Variants in THOC2 observed in about 807,000 individuals in gnomAD.
THOC2 encodes the protein THO complex 2.
In THOC2, 10 loss-of-function variants were observed where a neutral mutation model predicts 128.4. That is an observed-to-expected ratio of 0.08 (90% CI 0.05 to 0.13). THOC2 has a LOEUF of 0.13. Among genes scored for constraint, THOC2 ranks in the 10% least tolerant of loss-of-function variants. The pLI is 1.00. For missense variants in THOC2, 535 were observed against 1,155.7 expected, an observed-to-expected ratio of 0.46 and a Z score of 7.79; for synonymous variants, 393 against 396.9, an observed-to-expected ratio of 0.99 and a Z score of 0.12.
At position 123,636,087 on chromosome X, in the gene THOC2, C is replaced by T. The variant is rs1239381361; in HGVS notation, c.2010G>A (p.Ala670=). ...TAATTTGCTATGAATACCTTTTGCC[C>T]GCCTTTAGCTGATTGGCAACATACT... ...LLQYVANQLK[A]GKSFDLLILK... Residue 670 remains alanine, a synonymous_variant, in exon 19 of 39, where the codon GCG becomes GCA. Transcript: ENST00000245838. The T allele has an allele frequency of 4.2e-6, 5 of 1,203,506 alleles. No homozygotes were observed. Among genetic ancestry groups the T allele is most frequent in the South Asian group, 1.8e-5 (1 of 55,197 alleles).
chrX:123,623,450 C>A, intron 28 of THOC2, 167 bp from the exon 29 acceptor site: 2 of 614,804 alleles, frequency 3.3e-6, no homozygotes, highest in East Asian at 7.8e-5. Context: ...GAACGCCCAG[C>A]TTTCTTAAAA....
intron 12 of THOC2, among the ~76,000 whole-genome samples, chrX:123,655,984 C>T (rs1299849192): frequency 1.8e-5 from 2 of 109,041 alleles, no homozygotes; most frequent in African/African-American, 6.7e-5. Context: ...CACCACTGCA[C>T]TCTAGCCTGG....
At chrX:123,664,707 T>C (rs1350842424) in intron 12 of THOC2, among the ~76,000 whole-genome samples, 1 of 111,261 alleles carries the variant, frequency 9.0e-6, no homozygotes, top group African/African-American at 3.3e-5. Context: ...AAACAACAGG[T>C]GCTGGAGAGG....
At chrX:123,688,226 T>G (rs2147876212) in intron 7 of THOC2, among the ~76,000 whole-genome samples, 1 of 111,738 alleles carries the variant, frequency 8.9e-6, no homozygotes, top group Non-Finnish European at 1.9e-5. Context: ...TATAAATGGA[T>G]AAGCAATTTG....
Position 123,627,818 on chromosome X carries a change from G to A in THOC2, c.2632C>T (p.Pro878Ser), listed in dbSNP as rs2047320086. ...GACCAGAATGTAGCATAGAATTGAG[G>A]GCTGATGTCATCCCAGACTTTGGAA... ...HVSKVWDDIS[P>S]QFYATFWSLT... Residue 878 changes from proline to serine, a missense_variant, in exon 23 of 39, where the codon CCT (proline) becomes TCT (serine). Transcript: ENST00000245838. 1 of 1,209,896 alleles carries A rather than the reference G, an allele frequency of 8.3e-7. No homozygotes were observed. The highest frequency in any genetic ancestry group is 2.2e-5 in the Admixed American group (1 of 45,723).
rs187181357 is a variant in THOC2, at chrX:123,692,571, A to G, written c.601+3450T>C. 4.3e-3 allele frequency among the ~76,000 whole-genome samples: 416 copies of G among 96,007 alleles called. 1 individual carries two copies. The highest frequency in any genetic ancestry group is 0.016 in the African/African-American group (396 of 24,509). 83.4% of individuals were successfully genotyped at this position (96,007 alleles called of 115,157 possible). A position where few individuals can be genotyped will look rare whatever the true frequency, so the allele number is the denominator to read the frequency against. On this transcript the variant is annotated intron_variant, in intron 7 of 38. Transcript: ENST00000245838. ...GGCTGGAGTGCAGTGGCACGATCTC[A>G]GCTCACTGCAACCTCCACCTCCTAG...
At chrX:123,675,084 T>C (rs1286804633) in intron 8 of THOC2, among the ~76,000 whole-genome samples, 1 of 112,469 alleles carries the variant, frequency 8.9e-6, no homozygotes, top group Non-Finnish European at 1.9e-5. Context: ...ACCACAAATG[T>C]AATAGTACTG....
Position 123,671,076 on chromosome X carries a change from T to C in THOC2, c.861+593A>G, listed in dbSNP as rs142582605. Among the ~76,000 whole-genome samples, 640 of 112,017 alleles carry C rather than the reference T, an allele frequency of 5.7e-3. 4 individuals are homozygous for C. Among genetic ancestry groups the C allele is most frequent in the Middle Eastern group, 0.023 (5 of 217 alleles). ...GATTCTGAAACTGATGACTAAATTT[T>C]TGTTAAACTAGAGGTCATCTGCCAC... On this transcript the variant is annotated intron_variant, in intron 9 of 38. Transcript: ENST00000245838.
intron 38 of THOC2, among the ~76,000 whole-genome samples, chrX:123,605,517 A>G (rs766615243): frequency 2.2e-4 from 25 of 111,923 alleles, no homozygotes; most frequent in African/African-American, 7.5e-4. Flanking sequence ...AAATGAGAGC[A>G]TATTAAATCT....
Position 123,701,081 on chromosome X carries a change from G to A in THOC2, c.274+2373C>T, listed in dbSNP as rs372082856. ...AAAATGGACTGGATAGGCCGGGCAC[G>A]GTAGCTCACGCCTATAATCCCAGCA... On this transcript the variant is annotated intron_variant, in intron 4 of 38. Coordinates refer to ENST00000245838, the MANE Select transcript of THOC2 (RefSeq NM_001081550.2). Among the ~76,000 whole-genome samples, 10 of 110,656 alleles carry A rather than the reference G, an allele frequency of 9.0e-5. No individual in the cohort carries two copies. The East Asian group carries it at 2.0e-3, about 22-fold the overall frequency.
At chrX:123,617,338 T>G (rs766211212) in intron 33 of THOC2, among the ~76,000 whole-genome samples, 1 of 110,939 alleles carries the variant, frequency 9.0e-6, no homozygotes, top group Admixed American at 9.6e-5. Context: ...TTTTCAAATT[T>G]TTCTGGTTGC....
At position 123,634,074 on chromosome X, in the gene THOC2, T is replaced by C; in HGVS notation, c.2019-4A>G. The C allele has an allele frequency of 9.3e-7, 1 of 1,076,290 alleles. No individual in the cohort carries two copies. The highest frequency in any genetic ancestry group is 2.0e-5 in the South Asian group (1 of 50,325). 88.7% of individuals were successfully genotyped at this position (1,076,290 alleles called of 1,213,427 possible). A position where few individuals can be genotyped will look rare whatever the true frequency, so the allele number is the denominator to read the frequency against. Reference sequence around the variant, plus strand: ...TTTCAATATAAGCAGGTCAAAACTATTCAAAAAGAAAAAAGAAACAGTCTA... The same window carrying C: ...TTTCAATATAAGCAGGTCAAAACTACTCAAAAAGAAAAAAGAAACAGTCTA... On this transcript the variant is annotated splice_region_variant and splice_polypyrimidine_tract_variant and intron_variant, in intron 19 of 38. Transcript: ENST00000245838.
intron 32 of THOC2, chrX:123,619,696 C>A: frequency 6.5e-6 from 2 of 309,013 alleles, no homozygotes; most frequent in South Asian, 1.4e-4. Context: ...AATGTCAATG[C>A]CACATTGTTC....
intron 1 of THOC2, among the ~76,000 whole-genome samples, chrX:123,726,163 C>T (rs1343556894): frequency 9.1e-6 from 1 of 109,734 alleles, no homozygotes; most frequent in African/African-American, 3.3e-5. Context: ...GGGTCGAGAT[C>T]GCACCACTGC....
At chrX:123,602,345 TG>T (rs2046311146) in intron 38 of THOC2, 1 of 112,512 alleles carries the variant, frequency 8.9e-6, no homozygotes, top group African/African-American at 3.2e-5. Context: ...AATTGCTGAA[TG>T]GATAAATAAA....
intron 1 of THOC2, among the ~76,000 whole-genome samples, chrX:123,717,881 T>A (rs1371795435): frequency 8.9e-6 from 1 of 112,454 alleles, no homozygotes; most frequent in African/African-American, 3.2e-5. Flanking sequence ...ATATATACAG[T>A]CATCCTTCTG....
At chrX:123,625,866 GC>G in intron 25 of THOC2, 45 bp downstream of exon 25, 1 of 1,133,757 alleles carries the variant, frequency 8.8e-7, no homozygotes, top group Non-Finnish European at 1.2e-6. Context: ...TATAATGTTA[GC>G]TATCTTTGTG....
chrX:123,653,959 T>G (rs1296031399), intron 12 of THOC2, among the ~76,000 whole-genome samples: 1 of 111,847 alleles, frequency 8.9e-6, no homozygotes, highest in East Asian at 2.8e-4. Flanking sequence ...TGCACACGTA[T>G]GTTTACTGCA....
chrX:123,708,833 G>A (rs1229527758), intron 2 of THOC2, among the ~76,000 whole-genome samples: 1 of 111,251 alleles, frequency 9.0e-6, no homozygotes, highest in African/African-American at 3.3e-5. Context: ...TGCAACCTCT[G>A]CCTCCTGGGT....
Sources: gnomAD v4.1 joint callset for allele counts (sites outside exome capture counted in the v4.1 genomes callset) on GRCh38, gnomAD v4.1.1 for gene constraint, MANE v1.5 for transcripts, NCBI Gene and HGNC (gene_info 2026-07-23, HGNC 2026-07-21) for gene names.